MYO16: variants seen among roughly 807,000 people sequenced by gnomAD.
MYO16 encodes the protein myosin XVI, also known as unconventional myosin-XVI.
MYO16 carries 94 observed loss-of-function variants against 205.3 expected under a neutral mutation model. That is an observed-to-expected ratio of 0.46 (90% CI 0.39 to 0.54). The LOEUF (loss-of-function observed/expected upper bound fraction) is 0.54, where lower values mean the gene tolerates loss of function less well. Ranked by LOEUF, MYO16 falls within the 20% of genes least tolerant of loss-of-function variation. The pLI, the probability that MYO16 is intolerant of heterozygous loss-of-function variation, is 0.00. For synonymous variants in MYO16, 988 were observed against 954.0 expected, an observed-to-expected ratio of 1.04 and a Z score of -0.66; for missense variants, 2,315 against 2,387.5, an observed-to-expected ratio of 0.97 and a Z score of 0.63.
chr13:109,061,891 T>C (rs1887605276), intron 27 of MYO16, among the ~76,000 whole-genome samples: 1 of 152,230 alleles, frequency 6.6e-6, no homozygotes, highest in East Asian at 1.9e-4. Context: ...GAAAAGTGCA[T>C]TTAGTGTATT....
In MYO16 at chr13:108,859,993, T is replaced by G. The variant is rs1419146740; in HGVS notation, c.1359+4440T>G. 2.0e-5 allele frequency among the ~76,000 whole-genome samples: 3 copies of G among 152,084 alleles called. No homozygotes were observed. In the East Asian group the frequency reaches 5.8e-4, roughly 29 times the overall value. ...AACATGCCACTCCGGGTGACCCAGG[T>G]TAATGTAGCAGAGCCTCTTTTTTTT... On this transcript the variant is annotated intron_variant, in intron 11 of 34. Coordinates refer to ENST00000457511, the MANE Select transcript of MYO16 (RefSeq NM_001198950.3).
At position 108,966,490 on chromosome 13, in the gene MYO16, T is replaced by C. The variant is rs540038992; in HGVS notation, c.2369+1588T>C. On this transcript the variant is annotated intron_variant, in intron 20 of 34. Coordinates refer to ENST00000457511, the MANE Select transcript of MYO16 (RefSeq NM_001198950.3). Reference sequence around the variant, plus strand: ...TACAAACACACACCCAGAGAAAAACTACAAACATAAACCGTGGAAAACACA... The same window carrying C: ...TACAAACACACACCCAGAGAAAAACCACAAACATAAACCGTGGAAAACACA... Among the ~76,000 whole-genome samples the C allele has an allele frequency of 2.7e-4, 41 of 152,294 alleles. 1 individual carries two copies. The highest frequency in any genetic ancestry group is 6.8e-3 in the Middle Eastern group (2 of 294).
At chr13:109,137,387 G>T (rs1186629376) in intron 31 of MYO16, among the ~76,000 whole-genome samples, 1 of 152,208 alleles carries the variant, frequency 6.6e-6, no homozygotes, top group Non-Finnish European at 1.5e-5. Flanking sequence ...TATTATTGAA[G>T]CCAGCTTTGG....
At chr13:108,615,203 A>T (rs1046813398) in intron 1 of MYO16, among the ~76,000 whole-genome samples, 2 of 152,096 alleles carry the variant, frequency 1.3e-5, no homozygotes, top group Non-Finnish European at 2.9e-5. Flanking sequence ...GAAAAAGATG[A>T]TCCAAATCAT....
intron 34 of MYO16, among the ~76,000 whole-genome samples, chr13:109,198,352 A>T (rs11617084): frequency 0.12 from 18,586 of 152,212 alleles, 1,528 homozygotes; most frequent in Middle Eastern, 0.2. Flanking sequence ...CATTGCATTT[A>T]ACAACTGTTT....
chr13:108,705,407 G>A (rs1295691734), intron 2 of MYO16, among the ~76,000 whole-genome samples: 1 of 152,078 alleles, frequency 6.6e-6, no homozygotes, highest in African/African-American at 2.4e-5. Flanking sequence ...TGTCACACAG[G>A]CATTTTATTA....
chr13:108,529,442 G>A, the MYO16 span, among the ~76,000 whole-genome samples: 1 of 152,000 alleles, frequency 6.6e-6, no homozygotes, highest in Admixed American at 6.6e-5. Context: ...TCTTTTGAAA[G>A]CACACAGGTC....
intron 23 of MYO16, among the ~76,000 whole-genome samples, chr13:109,020,163 G>C (rs1885973759): frequency 6.6e-6 from 1 of 152,094 alleles, no homozygotes; most frequent in Admixed American, 6.5e-5. Flanking sequence ...ATGAGCAAAG[G>C]ATCCCTGGGT....
chr13:108,848,224 G>A (rs899562295), intron 10 of MYO16, among the ~76,000 whole-genome samples: 4 of 152,196 alleles, frequency 2.6e-5, no homozygotes, highest in Non-Finnish European at 5.9e-5. Flanking sequence ...GGTTTTGCCA[G>A]AGCAGTAGTC....
chr13:108,926,774 G>C (rs977417508), intron 16 of MYO16, among the ~76,000 whole-genome samples: 1 of 152,154 alleles, frequency 6.6e-6, no homozygotes, highest in Admixed American at 6.5e-5. Context: ...CTTACTGGAA[G>C]AATAAATCAT....
intron 32 of MYO16, 55 bp from the exon 33 acceptor site, chr13:109,164,846 G>A (rs1308863041): frequency 3.1e-6 from 3 of 957,030 alleles, no homozygotes; most frequent in East Asian, 2.9e-5. Flanking sequence ...GTTTTATTCA[G>A]TATATTCAGT....
intron 16 of MYO16, among the ~76,000 whole-genome samples, chr13:108,956,530 T>C (rs1273724990): frequency 6.6e-6 from 1 of 151,742 alleles, no homozygotes; most frequent in Non-Finnish European, 1.5e-5. Context: ...TCTTTTTTTT[T>C]CCAAGCTATA....
At chr13:109,083,527 A>G (rs4773023) in intron 27 of MYO16, among the ~76,000 whole-genome samples, 85,514 of 150,978 alleles carry the variant, frequency 0.57, 24,361 homozygotes, top group Non-Finnish European at 0.6. Context: ...GAAAGATGAT[A>G]TAGATTGAGG....
intron 4 of MYO16, among the ~76,000 whole-genome samples, chr13:108,741,939 G>T (rs866930802): frequency 6.6e-6 from 1 of 152,124 alleles, no homozygotes; most frequent in African/African-American, 2.4e-5. Flanking sequence ...TTATCTCACT[G>T]GGTATGAAGA....
At chr13:108,844,037 T>C (rs1877383400) in intron 9 of MYO16, among the ~76,000 whole-genome samples, 1 of 152,186 alleles carries the variant, frequency 6.6e-6, no homozygotes, top group African/African-American at 2.4e-5. Context: ...AGCCATGCAT[T>C]TCAATCCCAG....
chr13:109,088,648 TGC>T (rs1177120826), intron 27 of MYO16, among the ~76,000 whole-genome samples: 1 of 152,190 alleles, frequency 6.6e-6, no homozygotes, highest in Admixed American at 6.5e-5. Flanking sequence ...ATTAAGACGG[TGC>T]TGCGGATGCG....
chr13:109,097,530 G>A (rs1180666471), intron 27 of MYO16, among the ~76,000 whole-genome samples: 1 of 152,096 alleles, frequency 6.6e-6, no homozygotes. Context: ...AATTAATAAA[G>A]TAAAATAAAA....
At chr13:108,943,790 T>G (rs1258898610) in intron 16 of MYO16, among the ~76,000 whole-genome samples, 2 of 152,254 alleles carry the variant, frequency 1.3e-5, no homozygotes, top group Non-Finnish European at 2.9e-5. Flanking sequence ...TTTCACCATG[T>G]TGGCCAGAAT....
chr13:108,708,751 A>G (rs574475402), intron 2 of MYO16, among the ~76,000 whole-genome samples: 1 of 152,324 alleles, frequency 6.6e-6, no homozygotes, highest in African/African-American at 2.4e-5. Flanking sequence ...TGTCCACACT[A>G]GCTAATGGGG....
Sources: gnomAD v4.1 joint callset for allele counts (sites outside exome capture counted in the v4.1 genomes callset) on GRCh38, gnomAD v4.1.1 for gene constraint, MANE v1.5 for transcripts, NCBI Gene and HGNC (gene_info 2026-07-23, HGNC 2026-07-21) for gene names.